PSD2: variants seen among roughly 807,000 people sequenced by gnomAD.
PSD2 encodes the protein pleckstrin and Sec7 domain containing 2.
PSD2 carries 38 observed loss-of-function variants against 69.8 expected under a neutral mutation model. The ratio of observed to expected loss-of-function variants is 0.54; its 90% CI spans 0.42 to 0.71. The LOEUF is 0.71. PSD2 is among the 30% of genes least tolerant of loss of function. PSD2 has a pLI of 0.00. For synonymous variants in PSD2, 412 were observed against 423.0 expected (o/e 0.97, Z 0.32); for missense variants, 943 against 1,014.5 (o/e 0.93, Z 0.96).
At chr5:139,796,184 C>A (rs887308005) in intron 1 of PSD2, among the ~76,000 whole-genome samples, 2 of 152,106 alleles carry the variant, frequency 1.3e-5, no homozygotes, top group East Asian at 3.9e-4. Context: ...GAGATGGGGC[C>A]GAGAGAGGAA....
At chr5:139,809,147 G>A (rs766398979) in intron 1 of PSD2, among the ~76,000 whole-genome samples, 1 of 152,196 alleles carries the variant, frequency 6.6e-6, no homozygotes, top group Non-Finnish European at 1.5e-5. Flanking sequence ...GAGGTAACAC[G>A]AAGGGCAGGG....
chr5:139,745,162 G>T, the PSD2 span: 1 of 152,340 alleles, frequency 6.6e-6, no homozygotes, highest in Non-Finnish European at 1.5e-5. Context: ...TGGCACGCAA[G>T]TACTCACAGG....
At chr5:139,755,437 G>A in the PSD2 span, among the ~76,000 whole-genome samples, 1 of 152,110 alleles carries the variant, frequency 6.6e-6, no homozygotes, top group Non-Finnish European at 1.5e-5. Flanking sequence ...GTTATGGGGT[G>A]CTGGTCTCTA....
the PSD2 span, among the ~76,000 whole-genome samples, chr5:139,777,353 T>C: frequency 3.9e-5 from 6 of 152,168 alleles, no homozygotes; most frequent in African/African-American, 1.4e-4. Context: ...CCTTGGGGCC[T>C]CTTGTTGCAA....
In PSD2 at chr5:139,839,789, G is replaced by A. The variant is rs544588796; in HGVS notation, c.1969-238G>A. 2.0e-5 allele frequency among the ~76,000 whole-genome samples: 3 copies of A among 152,322 alleles called. No individual in the cohort carries two copies. Among genetic ancestry groups the A allele is most frequent in the Admixed American group, 6.5e-5 (1 of 15,312 alleles). On this transcript the variant is annotated intron_variant, in intron 13 of 14. Transcript: ENST00000274710. The surrounding 1 kb of genome is among the most constrained non-coding windows in gnomAD (Gnocchi z 5.1). The stretch of plus-strand genomic sequence containing the variant: ...GCATCTCTTGTCTCCCAAGCCTGCG[G>A]TGGGGTGGCTGGGGGGCATCGAGGA...
chr5:139,783,943 CTTTTTTTTTT>C, the PSD2 span, among the ~76,000 whole-genome samples: 1 of 87,888 alleles, frequency 1.1e-5, no homozygotes, highest in Non-Finnish European at 2.1e-5. Flanking sequence ...TCTGCTAGCT[CTTTTTTTTTT>C]TTTTTTTTTT....
chr5:139,746,150 T>C, the PSD2 span: 1 of 152,148 alleles, frequency 6.6e-6, no homozygotes, highest in Non-Finnish European at 1.5e-5. This position sits in a 1 kb window ranked among gnomAD's most constrained non-coding sequence, Gnocchi z 4.5. Context: ...AAACTATATC[T>C]AAGCTCCCCA....
At chr5:139,789,613 T>A in the PSD2 span, among the ~76,000 whole-genome samples, 3 of 151,826 alleles carry the variant, frequency 2.0e-5, no homozygotes, top group African/African-American at 4.8e-5. Context: ...AAAAAGAAAC[T>A]CACTCAACAA....
At position 139,837,269 on chromosome 5, in the gene PSD2, A is replaced by G. The variant is rs1300990193; in HGVS notation, c.1665+31A>G. ...AGACTGCCCCAGAGACCTTACTCAG[A>G]AAGGGCCAGCTCAGTCCCATCCCGC... On this transcript the variant is annotated intron_variant, in intron 11 of 14. Coordinates refer to ENST00000274710, the MANE Select transcript of PSD2 (RefSeq NM_032289.4). This position sits in a 1 kb window ranked among gnomAD's most constrained non-coding sequence, Gnocchi z 5.0. 25 of 1,608,434 alleles carry G rather than the reference A, an allele frequency of 1.6e-5. No homozygotes were observed. The highest frequency in any genetic ancestry group is 1.7e-5 in the Non-Finnish European group (20 of 1,175,280).
chr5:139,798,033 C>T (rs1759572856), intron 1 of PSD2, among the ~76,000 whole-genome samples: 1 of 152,236 alleles, frequency 6.6e-6, no homozygotes, highest in Non-Finnish European at 1.5e-5. Context: ...CTGCCTCTCA[C>T]AACAGACGAT....
At chr5:139,811,134 C>T (rs1423873661) in intron 2 of PSD2, among the ~76,000 whole-genome samples, 1 of 152,190 alleles carries the variant, frequency 6.6e-6, no homozygotes, top group Non-Finnish European at 1.5e-5. Context: ...TCTTTCCTCT[C>T]CTTTCCTTCC....
Position 139,842,252 on chromosome 5 carries a change from G to C in PSD2, c.2113-19G>C, listed in dbSNP as rs372426914. ...TCCTATTTTGTTGTCTTTTGACCTT[G>C]TGTTTGGCCTTTCCCCAGAAAAGCC... On this transcript the variant is annotated intron_variant, in intron 14 of 14. Coordinates refer to ENST00000274710, the MANE Select transcript of PSD2 (RefSeq NM_032289.4). 2.5e-6 allele frequency: 4 copies of C among 1,610,478 alleles called. No homozygotes were observed. The African/African-American group carries it at 5.3e-5, about 22-fold the overall frequency.
chr5:139,798,309 G>A (rs569991214), intron 1 of PSD2, among the ~76,000 whole-genome samples: 2 of 152,290 alleles, frequency 1.3e-5, no homozygotes, highest in African/African-American at 2.4e-5. Flanking sequence ...AAGCCGGCTT[G>A]CCCACAGGTG....
intron 4 of PSD2, among the ~76,000 whole-genome samples, chr5:139,815,787 A>G (rs1281199180): frequency 6.6e-6 from 1 of 152,198 alleles, no homozygotes; most frequent in Non-Finnish European, 1.5e-5. Flanking sequence ...TGAGGTCAGG[A>G]GTTTGAGACC....
At chr5:139,834,928 A>G (rs1272974333) in intron 8 of PSD2, among the ~76,000 whole-genome samples, 4 of 148,770 alleles carry the variant, frequency 2.7e-5, no homozygotes, top group Non-Finnish European at 6.0e-5. Flanking sequence ...CCACCCATTC[A>G]CCCATCACCC....
At chr5:139,788,284 A>G in the PSD2 span, among the ~76,000 whole-genome samples, 2 of 151,052 alleles carry the variant, frequency 1.3e-5, no homozygotes, top group African/African-American at 4.9e-5. Context: ...AGGACTCGAC[A>G]TGTCCCGTGT....
intron 1 of PSD2, among the ~76,000 whole-genome samples, chr5:139,797,456 C>T (rs144753720): frequency 7.4e-4 from 113 of 152,300 alleles, no homozygotes; most frequent in African/African-American, 2.6e-3. Context: ...GGGTGAATTG[C>T]ACCCTGCAGC....
the PSD2 span, among the ~76,000 whole-genome samples, chr5:139,778,104 G>A: frequency 1.3e-5 from 2 of 152,236 alleles, no homozygotes; most frequent in Non-Finnish European, 2.9e-5. Context: ...GTCCAGTTAT[G>A]CCTTCACTGC....
intron 5 of PSD2, 83 bp downstream of exon 5, chr5:139,817,644 G>A (rs773140424): frequency 6.5e-6 from 8 of 1,227,914 alleles, no homozygotes; most frequent in Non-Finnish European, 9.6e-6. Flanking sequence ...CCATAAACTT[G>A]CTGTACAACC....
Sources: gnomAD v4.1 joint callset for allele counts (sites outside exome capture counted in the v4.1 genomes callset) on GRCh38, gnomAD v4.1.1 for gene constraint, Gnocchi (gnomAD v3.1) non-coding constraint, MANE v1.5 for transcripts, NCBI Gene and HGNC (gene_info 2026-07-23, HGNC 2026-07-21) for gene names.